Variants in NCAM2 observed in about 807,000 individuals in gnomAD.
NCAM2 encodes the protein N-CAM-2.
Under a neutral mutation model 98.1 loss-of-function variants are expected in NCAM2, and 30 were observed. The observed-to-expected ratio is 0.31, with a 90% CI of 0.23 to 0.41. The LOEUF is 0.41. NCAM2 is among the 10% of genes least tolerant of loss of function. The pLI is 1.00. For synonymous variants in NCAM2, 368 were observed against 342.4 expected (o/e 1.07, Z -0.83); for missense variants, 867 against 1,005.8 (o/e 0.86, Z 1.87).
intron 15 of NCAM2, among the ~76,000 whole-genome samples, chr21:21,484,288 T>C (rs146096784): frequency 1.3e-5 from 2 of 151,756 alleles, no homozygotes; most frequent in African/African-American, 2.4e-5. Context: ...TTTTTGTAGG[T>C]TTGCATTAAT....
chr21:21,312,187 T>C (rs2074076282), intron 5 of NCAM2, among the ~76,000 whole-genome samples: 2 of 152,192 alleles, frequency 1.3e-5, no homozygotes, highest in East Asian at 3.9e-4. Flanking sequence ...TTATTCATAG[T>C]TTGCTCAGAG....
At chr21:21,234,100 T>C (rs991904732) in intron 1 of NCAM2, among the ~76,000 whole-genome samples, 2 of 151,792 alleles carry the variant, frequency 1.3e-5, no homozygotes, top group Non-Finnish European at 3.0e-5. Context: ...TTTACTAGTA[T>C]TAGTGTAAGG....
In NCAM2 at chr21:21,324,377, C is replaced by T. The variant is rs1426695414; in HGVS notation, c.620-6C>T. On this transcript the variant is annotated splice_region_variant and splice_polypyrimidine_tract_variant and intron_variant, in intron 5 of 17. Coordinates refer to ENST00000400546, the MANE Select transcript of NCAM2 (RefSeq NM_004540.5). The stretch of plus-strand genomic sequence containing the variant: ...TCTATTTATTCTGTATTCATCTCTC[C>T]TTCAGTGCCGCCAGCAATCTCAATG... 1 of 1,607,180 alleles carries T rather than the reference C, an allele frequency of 6.2e-7. No individual in the cohort carries two copies. The highest frequency in any genetic ancestry group is 2.2e-5 in the East Asian group (1 of 44,794).
At chr21:21,058,381 G>A (rs2065255753) in intron 1 of NCAM2, among the ~76,000 whole-genome samples, 1 of 151,828 alleles carries the variant, frequency 6.6e-6, no homozygotes, top group Non-Finnish European at 1.5e-5. Context: ...TATCTGTTGG[G>A]GTCACTTTGA....
chr21:21,244,571 G>A (rs770630577), intron 1 of NCAM2, among the ~76,000 whole-genome samples: 27 of 151,994 alleles, frequency 1.8e-4, no homozygotes, highest in Non-Finnish European at 3.5e-4. Context: ...AAAACAGGCC[G>A]AGTGCGGTGG....
intron 1 of NCAM2, among the ~76,000 whole-genome samples, chr21:21,120,718 G>GT (rs1453737197): frequency 2.9e-5 from 3 of 105,116 alleles, no homozygotes; most frequent in Non-Finnish European, 6.5e-5. Flanking sequence ...TTTTTTTGTG[G>GT]GTTTTTTTTT....
chr21:21,441,927 C>G (rs1979341963), intron 12 of NCAM2, among the ~76,000 whole-genome samples: 2 of 152,226 alleles, frequency 1.3e-5, no homozygotes, highest in East Asian at 3.9e-4. Flanking sequence ...TGAACATGAC[C>G]TGGCAGTACT....
chr21:21,359,559 TA>T (rs1245628310), intron 8 of NCAM2, among the ~76,000 whole-genome samples: 1 of 151,962 alleles, frequency 6.6e-6, no homozygotes. Flanking sequence ...ACCTTTCACT[TA>T]AAAAAACTGT....
At chr21:21,284,441 G>C (rs1464839532) in intron 3 of NCAM2, 41 bp downstream of exon 3, 1 of 1,477,120 alleles carries the variant, frequency 6.8e-7, no homozygotes, top group Non-Finnish European at 9.4e-7. Flanking sequence ...TTCAATTTCA[G>C]TTGCTTATAA....
rs150999712 is a variant in NCAM2, at chr21:21,447,707, A to G, written c.1654+15426A>G. On this transcript the variant is annotated intron_variant, in intron 12 of 17. Transcript: ENST00000400546. Reference sequence around the variant, plus strand: ...TTAAACAAATTTACAAGAAAAAAACAAACAACCCCATCAAAAAGTGGGCAA... The same window carrying G: ...TTAAACAAATTTACAAGAAAAAAACGAACAACCCCATCAAAAAGTGGGCAA... Among the ~76,000 whole-genome samples, 1,109 of 152,264 alleles carry G rather than the reference A, an allele frequency of 7.3e-3. 10 individuals carry two copies. Among genetic ancestry groups the G allele is most frequent in the African/African-American group, 0.026 (1,063 of 41,560 alleles).
At chr21:21,202,720 CTT>C (rs1422014412) in intron 1 of NCAM2, among the ~76,000 whole-genome samples, 4 of 151,994 alleles carry the variant, frequency 2.6e-5, no homozygotes, top group Admixed American at 1.3e-4. Context: ...CGGGCCCATG[CTT>C]TGTTTTTATG....
At chr21:21,157,253 G>A (rs950426980) in intron 1 of NCAM2, among the ~76,000 whole-genome samples, 8 of 152,064 alleles carry the variant, frequency 5.3e-5, no homozygotes, top group South Asian at 4.1e-4. Context: ...ACTTGAACCC[G>A]AGCTAAAATA....
intron 16 of NCAM2, among the ~76,000 whole-genome samples, chr21:21,511,677 C>T (rs573991094): frequency 1.6e-3 from 247 of 152,044 alleles, no homozygotes; most frequent in African/African-American, 5.6e-3. Context: ...ATGCTGTCTT[C>T]CATAGTGACA....
intron 1 of NCAM2, among the ~76,000 whole-genome samples, chr21:21,123,414 G>T (rs199929977): frequency 6.8e-6 from 1 of 146,590 alleles, no homozygotes; most frequent in Non-Finnish European, 1.5e-5. Context: ...AAAAAAAAAA[G>T]TTTTGCTATG....
chr21:21,307,066 T>TC (rs1405784465), intron 5 of NCAM2, among the ~76,000 whole-genome samples: 1 of 170 alleles, frequency 5.9e-3, no homozygotes, highest in East Asian at 0.17. Context: ...TGTACAGTTG[T>TC]GGTTTTTTAA....
intron 1 of NCAM2, among the ~76,000 whole-genome samples, chr21:21,125,494 G>GTAATATATAATATATTACATA (rs1338581385): frequency 3.8e-4 from 28 of 74,168 alleles, no homozygotes; most frequent in Non-Finnish European, 5.5e-4. Flanking sequence ...AGATATATAT[G>GTAATATATAATATATTACATA]TAATATGTAA....
intron 1 of NCAM2, among the ~76,000 whole-genome samples, chr21:21,111,572 C>A (rs1428267324): frequency 6.6e-6 from 1 of 152,120 alleles, no homozygotes; most frequent in Non-Finnish European, 1.5e-5. Flanking sequence ...GTGACACATG[C>A]TACGGATTAA....
chr21:21,418,152 ACTT>A (rs933547858), intron 10 of NCAM2, among the ~76,000 whole-genome samples: 2 of 151,984 alleles, frequency 1.3e-5, no homozygotes, highest in African/African-American at 4.8e-5. Flanking sequence ...ACTGTGTACT[ACTT>A]TCTGAGCTTT....
intron 1 of NCAM2, among the ~76,000 whole-genome samples, chr21:21,161,342 T>A (rs902726563): frequency 2.2e-4 from 33 of 152,096 alleles, no homozygotes; most frequent in African/African-American, 7.2e-4. Flanking sequence ...TTATTTATTT[T>A]ATTTATTTAT....
Sources: gnomAD v4.1 joint callset for allele counts (sites outside exome capture counted in the v4.1 genomes callset) on GRCh38, gnomAD v4.1.1 for gene constraint, MANE v1.5 for transcripts, NCBI Gene and HGNC (gene_info 2026-07-23, HGNC 2026-07-21) for gene names.